MGAT4A: variants seen among roughly 807,000 people sequenced by gnomAD.
The protein encoded by MGAT4A is N-acetylglucosaminyltransferase IVa.
Under a neutral mutation model 74.1 loss-of-function variants are expected in MGAT4A, and 33 were observed. The ratio of observed to expected loss-of-function variants is 0.45; its 90% CI spans 0.34 to 0.60. MGAT4A has a LOEUF of 0.60. MGAT4A is among the 20% of genes least tolerant of loss of function. The probability of loss-of-function intolerance (pLI) is 0.02; values close to 1 mark genes in which losing one functional copy is unlikely to be tolerated. For missense variants in MGAT4A, 479 were observed against 628.3 expected, an observed-to-expected ratio of 0.76 and a Z score of 2.54; for synonymous variants, 198 against 210.4, an observed-to-expected ratio of 0.94 and a Z score of 0.51.
At chr2:98,678,876 T>C (rs1263872753) in intron 2 of MGAT4A, among the ~76,000 whole-genome samples, 2 of 152,180 alleles carry the variant, frequency 1.3e-5, no homozygotes, top group African/African-American at 2.4e-5. Flanking sequence ...CAAAAACTGA[T>C]GGTAATTTAT....
intron 1 of MGAT4A, among the ~76,000 whole-genome samples, 199 bp downstream of exon 1, chr2:98,730,849 G>A (rs1702843776): frequency 7.1e-6 from 1 of 141,108 alleles, no homozygotes; most frequent in Non-Finnish European, 1.6e-5. Flanking sequence ...CCCGCGCCCA[G>A]AGGCGCCAAC....
At chr2:98,730,994 C>CCCCGCGCCCCCT in intron 1 of MGAT4A, 54 bp downstream of exon 1, 1 of 145,510 alleles carries the variant, frequency 6.9e-6, no homozygotes, top group South Asian at 1.8e-4. Context: ...CGCGCAGCCG[C>CCCCGCGCCCCCT]CCCGCGCCCC....
intron 2 of MGAT4A, among the ~76,000 whole-genome samples, chr2:98,679,476 T>G (rs921858546): frequency 2.5e-5 from 3 of 117,708 alleles, no homozygotes; most frequent in Non-Finnish European, 3.5e-5. Context: ...TATAAAACAA[T>G]AAAAAATTAG....
chr2:98,623,796 C>T lies in MGAT4A; in HGVS notation c.*1770G>A. On this transcript the variant is annotated 3_prime_UTR_variant, in exon 16 of 16. Coordinates refer to ENST00000393487, the MANE Select transcript of MGAT4A (RefSeq NM_012214.3). ...TTGTAACACAGCACAGGAAATGATG[C>T]TATTTCATGCTGTTGGTTCAGCACA... is the stretch of plus-strand genomic sequence containing the variant. The T allele has an allele frequency of 1.0e-6, 1 of 985,368 alleles. No individual in the cohort carries two copies. Among genetic ancestry groups the T allele is most frequent in the Non-Finnish European group, 1.2e-6 (1 of 829,930 alleles). 61.0% of individuals were successfully genotyped at this position (985,368 alleles called of 1,614,324 possible).
At chr2:98,667,053 A>G (rs1007340165) in intron 4 of MGAT4A, among the ~76,000 whole-genome samples, 4 of 152,168 alleles carry the variant, frequency 2.6e-5, no homozygotes, top group African/African-American at 2.4e-5. Flanking sequence ...TAAGTCTTAC[A>G]AGATCTGATG....
chr2:98,701,853 C>T (rs915071892), intron 2 of MGAT4A, among the ~76,000 whole-genome samples: 7 of 152,116 alleles, frequency 4.6e-5, no homozygotes, highest in African/African-American at 1.7e-4. Flanking sequence ...TTCTTATGCC[C>T]TGATGTTGTA....
At chr2:98,695,032 CTTTTTTTT>C (rs551595704) in intron 2 of MGAT4A, 3 of 93,370 alleles carry the variant, frequency 3.2e-5, no homozygotes, top group Non-Finnish European at 4.1e-5. Flanking sequence ...GCTAAAATGG[CTTTTTTTT>C]TTTTTTTTTT....
chr2:98,685,048 G>A (rs535592087), intron 2 of MGAT4A, among the ~76,000 whole-genome samples: 1 of 152,176 alleles, frequency 6.6e-6, no homozygotes, highest in East Asian at 1.9e-4. Flanking sequence ...ACCAGCCTGG[G>A]CAAAATAGGG....
rs901983945 is a variant in MGAT4A, at chr2:98,625,921, C to A, written c.1469-86G>T. On this transcript the variant is annotated intron_variant, in intron 14 of 15. Coordinates refer to ENST00000393487, the MANE Select transcript of MGAT4A (RefSeq NM_012214.3). ...TGAGTTAAGGCAGGAAAGGAATACA[C>A]CAAAATATTTCTAGTAGATGTCTTT... 3.3e-5 allele frequency: 29 copies of A among 877,530 alleles called. No individual in the cohort carries two copies. In the Admixed American group the frequency reaches 6.4e-4, roughly 20 times the overall value. The allele number at this position is 877,530 out of a possible 1,614,324, so 54.4% of individuals were successfully genotyped here.
rs1013377462 is a variant in MGAT4A, at chr2:98,682,422, C to CAAAA, written c.95-3955_95-3952dup. Reference sequence around the variant, plus strand: ...GGGCAACAAGAGTGGAATTCCATCTCAAAAAAAAAAAAAAAAAAAAAAAAA... The same window carrying CAAAA: ...GGGCAACAAGAGTGGAATTCCATCTCAAAAAAAAAAAAAAAAAAAAAAAAAAAAA... On this transcript the variant is annotated intron_variant, in intron 2 of 15. Coordinates refer to ENST00000393487, the MANE Select transcript of MGAT4A (RefSeq NM_012214.3). 6.6e-3 allele frequency among the ~76,000 whole-genome samples: 238 copies of CAAAA among 36,326 alleles called. 9 individuals carry two copies. Among genetic ancestry groups the CAAAA allele is most frequent in the Non-Finnish European group, 8.5e-3 (177 of 20,800 alleles). The allele number at this position is 36,326 out of a possible 152,430, so 23.8% of individuals were successfully genotyped here. A position where few individuals can be genotyped will look rare whatever the true frequency, so the allele number is the denominator to read the frequency against.
chr2:98,710,685 A>AG (rs1702503173), intron 2 of MGAT4A, among the ~76,000 whole-genome samples: 1 of 152,204 alleles, frequency 6.6e-6, no homozygotes, highest in Admixed American at 6.5e-5. Flanking sequence ...CATGTTGCCC[A>AG]GGCTAGTCTT....
chr2:98,661,330 T>C (rs550954196), intron 5 of MGAT4A, among the ~76,000 whole-genome samples: 114 of 152,180 alleles, frequency 7.5e-4, no homozygotes, highest in Non-Finnish European at 1.4e-3. Context: ...GATACATACA[T>C]GGATCCACTG....
chr2:98,622,446 C>G lies in MGAT4A; in HGVS notation c.*3120G>C, dbSNP rs367644718. The G allele has an allele frequency of 3.6e-5, 35 of 985,290 alleles. No individual in the cohort carries two copies. The South Asian group carries it at 4.7e-4, about 13-fold the overall frequency. The allele number at this position is 985,290 out of a possible 1,614,324, so 61.0% of individuals were successfully genotyped here. On this transcript the variant is annotated 3_prime_UTR_variant, in exon 16 of 16. Coordinates refer to ENST00000393487, the MANE Select transcript of MGAT4A (RefSeq NM_012214.3). ...CTACTGGCTATATGTGTTTTTAAAACTAGTCCCAACCTTTGACACTTTTTC... is the reference window on the plus strand; with the variant it reads ...CTACTGGCTATATGTGTTTTTAAAAGTAGTCCCAACCTTTGACACTTTTTC...
intron 2 of MGAT4A, among the ~76,000 whole-genome samples, chr2:98,683,547 A>T (rs900438612): frequency 2.0e-5 from 3 of 148,548 alleles, no homozygotes; most frequent in African/African-American, 7.4e-5. Context: ...TCATTTCATC[A>T]TTTTTTTTTT....
At position 98,623,402 on chromosome 2, in the gene MGAT4A, GAACCAGGGACCC is replaced by G. The variant is rs1701090910; in HGVS notation, c.*2152_*2163del. ...CATGAAACCAGAGTTGGCAACTGAG[GAACCAGGGACCC>G]AAGAGTACTCCTAAGCCCACCTGCA... On this transcript the variant is annotated 3_prime_UTR_variant, in exon 16 of 16. Transcript: ENST00000393487. 5.1e-6 allele frequency: 5 copies of G among 985,410 alleles called. No individual in the cohort carries two copies. The highest frequency in any genetic ancestry group is 6.0e-6 in the Non-Finnish European group (5 of 829,930). The allele number at this position is 985,410 out of a possible 1,614,324, so 61.0% of individuals were successfully genotyped here.
intron 14 of MGAT4A, among the ~76,000 whole-genome samples, chr2:98,629,632 C>T (rs891208084): frequency 1.3e-5 from 2 of 152,186 alleles, no homozygotes; most frequent in Non-Finnish European, 2.9e-5. Context: ...AGTACATACA[C>T]TACCGCAAAA....
Position 98,625,835 on chromosome 2 carries a change from C to T in MGAT4A, c.1469G>A (p.Gly490Glu). ...KRLEDGYFRI[G>E]KFENGVAEGM... ...TTCTGCAACACCATTCTCAAATTTT[C>T]CTTCAAAATAAAAATCAATACTTGT... The change falls in exon 15 of 16, where the codon GGA becomes GAA. Residue 490 changes from glycine (G) to glutamate (E), a missense_variant and splice_region_variant. Physicochemically the swap from Gly to Glu is moderately conservative, Grantham distance 98. Transcript: ENST00000393487. 1 of 1,602,662 alleles carries T rather than the reference C, an allele frequency of 6.2e-7. No individual in the cohort carries two copies. The highest frequency in any genetic ancestry group is 8.5e-7 in the Non-Finnish European group (1 of 1,171,048).
chr2:98,629,008 C>T (rs1180054916), intron 14 of MGAT4A, among the ~76,000 whole-genome samples: 1 of 152,140 alleles, frequency 6.6e-6, no homozygotes, highest in Admixed American at 6.5e-5. Flanking sequence ...TTTATGGACA[C>T]AGAAATCTGA....
At chr2:98,724,294 G>T (rs983914474) in intron 2 of MGAT4A, among the ~76,000 whole-genome samples, 1 of 152,174 alleles carries the variant, frequency 6.6e-6, no homozygotes. Flanking sequence ...GTGGTTTATG[G>T]GTATATTAGA....
Sources: gnomAD v4.1 joint callset for allele counts (sites outside exome capture counted in the v4.1 genomes callset) on GRCh38, gnomAD v4.1.1 for gene constraint, MANE v1.5 for transcripts, NCBI Gene and HGNC (gene_info 2026-07-23, HGNC 2026-07-21) for gene names.